Variants in NRXN3 observed in about 807,000 individuals in gnomAD.
NRXN3 encodes the protein neurexin 3.
In NRXN3, 32 loss-of-function variants were observed where a neutral mutation model predicts 137.6. The observed-to-expected ratio is 0.23, with a 90% CI of 0.18 to 0.31. The LOEUF (loss-of-function observed/expected upper bound fraction) is 0.31, where lower values mean the gene tolerates loss of function less well. NRXN3 is among the 10% of genes least tolerant of loss of function. The probability of loss-of-function intolerance (pLI) is 1.00; values close to 1 mark genes in which losing one functional copy is unlikely to be tolerated. For missense variants in NRXN3, 1,574 were observed against 2,062.5 expected (o/e 0.76, Z 4.59); for synonymous variants, 798 against 784.5 (o/e 1.02, Z -0.29).
At chr14:79,239,195 T>C (rs144139536) in intron 15 of NRXN3, among the ~76,000 whole-genome samples, 260 of 152,302 alleles carry the variant, frequency 1.7e-3, no homozygotes, top group African/African-American at 5.9e-3. Flanking sequence ...CAGCATGCTG[T>C]AATACAAACA....
intron 8 of NRXN3, among the ~76,000 whole-genome samples, chr14:78,744,047 A>G (rs2098595241): frequency 6.6e-6 from 1 of 152,184 alleles, no homozygotes; most frequent in Admixed American, 6.5e-5. Flanking sequence ...ATTTTCCTTT[A>G]CCAACAAAGT....
intron 15 of NRXN3, among the ~76,000 whole-genome samples, chr14:79,215,040 G>A (rs1158333647): frequency 1.3e-5 from 2 of 152,150 alleles, no homozygotes; most frequent in Non-Finnish European, 2.9e-5. Flanking sequence ...TTGAACTGTA[G>A]GTATGTTTTA....
intron 20 of NRXN3, among the ~76,000 whole-genome samples, chr14:79,856,618 CTTTT>C (rs34929411): frequency 1.4e-5 from 2 of 143,528 alleles, no homozygotes; most frequent in Non-Finnish European, 1.5e-5. Flanking sequence ...TTTTTTTGTT[CTTTT>C]TTTTTTTTTT....
At chr14:78,948,938 A>G (rs866232779) in intron 10 of NRXN3, among the ~76,000 whole-genome samples, 56 of 152,254 alleles carry the variant, frequency 3.7e-4, no homozygotes, top group African/African-American at 1.3e-3. Flanking sequence ...CCACAGCTGT[A>G]TGACCTTGAC....
At chr14:79,325,893 T>C (rs946290813) in intron 15 of NRXN3, among the ~76,000 whole-genome samples, 1 of 152,160 alleles carries the variant, frequency 6.6e-6, no homozygotes. Flanking sequence ...TTGAGATATA[T>C]AGTAGCTCTT....
intron 15 of NRXN3, among the ~76,000 whole-genome samples, chr14:79,077,597 T>TATA (rs2046197599): frequency 1.3e-5 from 2 of 152,148 alleles, no homozygotes; most frequent in African/African-American, 2.4e-5. Context: ...TTTTGGCAAT[T>TATA]ATAAAGAGAG....
intron 14 of NRXN3, among the ~76,000 whole-genome samples, chr14:78,982,921 A>G (rs1598203398): frequency 6.6e-6 from 1 of 152,292 alleles, no homozygotes; most frequent in East Asian, 1.9e-4. Context: ...TATATAAGAA[A>G]CACAAACAAC....
chr14:79,088,267 T>C lies in NRXN3; in HGVS notation c.3262+100126T>C, dbSNP rs541650798. Among the ~76,000 whole-genome samples, 4 of 149,870 alleles carry C rather than the reference T, an allele frequency of 2.7e-5. No individual in the cohort carries two copies. The South Asian group carries it at 8.3e-4, about 31-fold the overall frequency. On this transcript the variant is annotated intron_variant, in intron 15 of 20. Coordinates refer to ENST00000335750, the MANE Select transcript of NRXN3 (RefSeq NM_001330195.2). ...ACCTCTCTCATTCTGCTCACCATCT[T>C]ACCCTTCTCCTTGAAGATCAGCTTA... is the stretch of plus-strand genomic sequence containing the variant.
At chr14:78,465,467 A>G (rs2095070560) in intron 4 of NRXN3, among the ~76,000 whole-genome samples, 1 of 152,246 alleles carries the variant, frequency 6.6e-6, no homozygotes, top group African/African-American at 2.4e-5. Context: ...TAAAATTTTA[A>G]AAAGATGATA....
chr14:79,585,567 C>T (rs143007638), intron 16 of NRXN3, among the ~76,000 whole-genome samples: 162 of 151,818 alleles, frequency 1.1e-3, no homozygotes, highest in African/African-American at 3.7e-3. Flanking sequence ...TGCCTGTAGT[C>T]CCAGCTACTC....
chr14:79,529,813 A>G (rs574854857), intron 16 of NRXN3, among the ~76,000 whole-genome samples: 4 of 152,318 alleles, frequency 2.6e-5, no homozygotes, highest in South Asian at 4.1e-4. Context: ...ATCCCACTGA[A>G]TCTTTAGTCA....
intron 16 of NRXN3, among the ~76,000 whole-genome samples, chr14:79,477,748 A>G (rs975861284): frequency 6.6e-6 from 1 of 152,130 alleles, no homozygotes; most frequent in Non-Finnish European, 1.5e-5. Flanking sequence ...AAGTGTTTCT[A>G]GAGAAACGTC....
intron 10 of NRXN3, among the ~76,000 whole-genome samples, chr14:78,913,033 G>A (rs1249913775): frequency 6.6e-6 from 1 of 151,938 alleles, no homozygotes; most frequent in Admixed American, 6.6e-5. Context: ...AGACAGGTAT[G>A]ATCTCTCCTT....
chr14:79,042,615 G>A (rs967249750), intron 15 of NRXN3, among the ~76,000 whole-genome samples: 1 of 152,162 alleles, frequency 6.6e-6, no homozygotes. Flanking sequence ...TAGAATGGGA[G>A]TATGTATTAT....
intron 4 of NRXN3, among the ~76,000 whole-genome samples, chr14:78,479,467 C>G (rs73316501): frequency 6.6e-6 from 1 of 152,132 alleles, no homozygotes; most frequent in Non-Finnish European, 1.5e-5. Context: ...TTCTGGGGAC[C>G]ACAGTTTAAG....
chr14:78,632,167 T>A (rs1352420525), intron 4 of NRXN3, among the ~76,000 whole-genome samples: 1 of 151,344 alleles, frequency 6.6e-6, no homozygotes, highest in East Asian at 1.9e-4. Flanking sequence ...ATAATTAAGA[T>A]AATTTTAGCA....
chr14:78,613,953 T>C (rs1453085236), intron 4 of NRXN3, among the ~76,000 whole-genome samples: 2 of 152,178 alleles, frequency 1.3e-5, no homozygotes, highest in Non-Finnish European at 2.9e-5. Context: ...AGCTCTATTA[T>C]AGCACCAGTG....
intron 16 of NRXN3, among the ~76,000 whole-genome samples, chr14:79,596,200 G>A (rs560134291): frequency 6.6e-6 from 1 of 152,082 alleles, no homozygotes; most frequent in Admixed American, 6.5e-5. Flanking sequence ...TATGGGGAGA[G>A]GTGAGCTGAT....
intron 19 of NRXN3, among the ~76,000 whole-genome samples, chr14:79,739,215 A>T (rs917053202): frequency 9.2e-5 from 14 of 152,208 alleles, no homozygotes; most frequent in Admixed American, 4.6e-4. Context: ...GAATAGAAAA[A>T]TCCAAAGTCA....
Sources: allele counts gnomAD v4.1 joint callset (sites outside exome capture counted in the v4.1 genomes callset), GRCh38; gene constraint gnomAD v4.1.1; transcripts MANE v1.5; gene names NCBI Gene and HGNC (gene_info 2026-07-23, HGNC 2026-07-21).